The following FAM200B variants were observed in gnomAD, a reference collection of about 807,000 sequenced individuals.
FAM200B encodes the protein protein FAM200B.
FAM200B carries 32 observed loss-of-function variants against 33.1 expected under a neutral mutation model. The observed-to-expected ratio is 0.97, with a 90% CI of 0.73 to 1.30. FAM200B has a LOEUF of 1.30. Ranked by LOEUF, FAM200B falls within the 50% of genes most tolerant of loss-of-function variation. The probability of loss-of-function intolerance (pLI) is 0.00; values close to 1 mark genes in which losing one functional copy is unlikely to be tolerated. For synonymous variants in FAM200B, 240 were observed against 264.8 expected (o/e 0.91, Z 0.91); for missense variants, 741 against 754.0 (o/e 0.98, Z 0.20).
At chr4:15,657,984 C>T in the FAM200B span, among the ~76,000 whole-genome samples, 1 of 152,206 alleles carries the variant, frequency 6.6e-6, no homozygotes, top group South Asian at 2.1e-4. Flanking sequence ...TGAAAACCCA[C>T]ATTGTAGAAT....
At chr4:15,666,804 G>A in the FAM200B span, among the ~76,000 whole-genome samples, 3 of 151,690 alleles carry the variant, frequency 2.0e-5, no homozygotes, top group African/African-American at 7.3e-5. Context: ...CTGGGTGACA[G>A]AGCTGCTACC....
Position 15,687,128 on chromosome 4 carries a change from C to G in FAM200B, c.151C>G (p.Pro51Ala). ...SNLQTSTSFE[P>A]HFKKKKVSAR... ...TCTGCAAACTTCAACTTCATTTGAG[C>G]CACATTTCAAAAAGAAAAAAGTAAG... is the stretch of plus-strand genomic sequence containing the variant. The change falls in exon 2 of 2, where the codon CCA becomes GCA. Residue 51 changes from proline to alanine, a missense_variant. Pro to Ala is a conservative substitution (Grantham distance 27). Coordinates refer to ENST00000422728, the MANE Select transcript of FAM200B (RefSeq NM_001145191.2). The G allele has an allele frequency of 6.5e-7, 1 of 1,547,790 alleles. No homozygotes were observed. Among genetic ancestry groups the G allele is most frequent in the Non-Finnish European group, 8.7e-7 (1 of 1,145,636 alleles).
At chr4:15,655,626 C>T in the FAM200B span, among the ~76,000 whole-genome samples, 1 of 152,202 alleles carries the variant, frequency 6.6e-6, no homozygotes, top group African/African-American at 2.4e-5. Flanking sequence ...AGGGGAAAGT[C>T]GTTGCAGTGG....
chr4:15,679,562 CA>C (rs1202369624), upstream of FAM200B, among the ~76,000 whole-genome samples: 15,405 of 94,340 alleles, frequency 0.16, 762 homozygotes, highest in Non-Finnish European at 0.19. Context: ...AGTTCAGGAA[CA>C]AAAAAAAAAA....
the FAM200B span, among the ~76,000 whole-genome samples, chr4:15,637,337 T>A: frequency 6.6e-6 from 1 of 152,182 alleles, no homozygotes; most frequent in Non-Finnish European, 1.5e-5. Flanking sequence ...TATGGATGTA[T>A]AAACCTATAA....
the FAM200B span, among the ~76,000 whole-genome samples, chr4:15,652,912 T>C: frequency 6.6e-6 from 1 of 152,184 alleles, no homozygotes; most frequent in East Asian, 1.9e-4. Flanking sequence ...CCTTGGTCTA[T>C]ACAACCAAAG....
chr4:15,681,371 C>A, upstream of FAM200B: 1 of 168,878 alleles, frequency 5.9e-6, no homozygotes. Context: ...AGGAGCGATT[C>A]AGCGCCACTA....
chr4:15,640,643 GT>G, the FAM200B span: 2 of 426,688 alleles, frequency 4.7e-6, no homozygotes, highest in Non-Finnish European at 8.4e-6. Flanking sequence ...TTTCCCTTGG[GT>G]TTTCTTTTTT....
chr4:15,641,546 T>C, the FAM200B span: 1 of 446,976 alleles, frequency 2.2e-6, no homozygotes. Flanking sequence ...ATCCAGTATA[T>C]ATATTTTACA....
chr4:15,661,958 A>G, the FAM200B span, among the ~76,000 whole-genome samples: 1 of 152,190 alleles, frequency 6.6e-6, no homozygotes, highest in African/African-American at 2.4e-5. Flanking sequence ...ACCACATGGT[A>G]CTCTCTATGG....
chr4:15,684,955 T>C (rs554821124), intron 1 of FAM200B: 1 of 152,306 alleles, frequency 6.6e-6, no homozygotes, highest in African/African-American at 2.4e-5. Context: ...TGCACACCTT[T>C]TAAGGTACAA....
At chr4:15,685,266 A>T (rs1262196717) in intron 1 of FAM200B, among the ~76,000 whole-genome samples, 1 of 152,206 alleles carries the variant, frequency 6.6e-6, no homozygotes, top group Non-Finnish European at 1.5e-5. Context: ...AACAGGAAGC[A>T]TGGCACCTTA....
At chr4:15,641,630 G>T in the FAM200B span, 1 of 449,324 alleles carries the variant, frequency 2.2e-6, no homozygotes, top group South Asian at 1.6e-5. Context: ...GTAGTAGGCT[G>T]TAAGTAAAGT....
At chr4:15,664,550 CTTTTTTTTTTTTTT>C in the FAM200B span, among the ~76,000 whole-genome samples, 1 of 75,522 alleles carries the variant, frequency 1.3e-5, no homozygotes, top group Non-Finnish European at 2.3e-5. Context: ...GGCCCTCATC[CTTTTTTTTTTTTTT>C]TTTTTTTTTT....
At chr4:15,676,182 A>G in the FAM200B span, among the ~76,000 whole-genome samples, 1 of 152,234 alleles carries the variant, frequency 6.6e-6, no homozygotes, top group South Asian at 2.1e-4. Flanking sequence ...CATATATATT[A>G]GGACACTGTT....
chr4:15,661,202 A>G, the FAM200B span, among the ~76,000 whole-genome samples: 13 of 152,136 alleles, frequency 8.5e-5, no homozygotes, highest in South Asian at 1.2e-3. Context: ...TTGGACTACT[A>G]TAGGTGTTTC....
Position 15,686,764 on chromosome 4 carries a change from C to T in FAM200B, c.-214C>T. 1 of 317,484 alleles carries T rather than the reference C, an allele frequency of 3.1e-6. No homozygotes were observed. Among genetic ancestry groups the T allele is most frequent in the South Asian group, 1.0e-4 (1 of 9,702 alleles). 19.7% of individuals were successfully genotyped at this position (317,484 alleles called of 1,614,324 possible). On this transcript the variant is annotated 5_prime_UTR_variant, in exon 2 of 2. Coordinates refer to ENST00000422728, the MANE Select transcript of FAM200B (RefSeq NM_001145191.2). ...CAGTCATTGATTCCTGGGTGTCTTGCTTGATTTTCATAATAGCACGGTTAA... is the reference window on the plus strand; with the variant it reads ...CAGTCATTGATTCCTGGGTGTCTTGTTTGATTTTCATAATAGCACGGTTAA...
chr4:15,643,112 A>G, the FAM200B span, among the ~76,000 whole-genome samples: 6 of 152,226 alleles, frequency 3.9e-5, no homozygotes, highest in African/African-American at 1.4e-4. Flanking sequence ...TTCAATAAAA[A>G]AGTAAATCTC....
the FAM200B span, among the ~76,000 whole-genome samples, chr4:15,657,813 G>A: frequency 6.6e-6 from 1 of 152,144 alleles, no homozygotes; most frequent in African/African-American, 2.4e-5. Flanking sequence ...ATTACCATAG[G>A]TTACTGCAAC....
Sources: allele counts gnomAD v4.1 joint callset (sites outside exome capture counted in the v4.1 genomes callset), GRCh38; gene constraint gnomAD v4.1.1; transcripts MANE v1.5; gene names NCBI Gene and HGNC (gene_info 2026-07-23, HGNC 2026-07-21).